Variants in GRAMD1C observed in about 807,000 individuals in gnomAD.
GRAMD1C encodes the protein GRAM domain containing 1C.
GRAMD1C carries 89 observed loss-of-function variants against 97.8 expected under a neutral mutation model. The observed-to-expected ratio is 0.91, with a 90% CI of 0.77 to 1.09. The LOEUF (loss-of-function observed/expected upper bound fraction) is 1.09. GRAMD1C is among the 50% of genes least tolerant of loss of function. GRAMD1C has a pLI of 0.00. For missense variants in GRAMD1C, 740 were observed against 766.4 expected (o/e 0.97, Z 0.41); for synonymous variants, 256 against 267.0 (o/e 0.96, Z 0.40).
intron 2 of GRAMD1C, among the ~76,000 whole-genome samples, chr3:113,847,452 G>A (rs915082906): frequency 2.0e-5 from 3 of 152,190 alleles, no homozygotes. Context: ...ACCTTTTAAT[G>A]TGGAGGCCAA....
At chr3:113,929,165 G>C (rs1262784345) in intron 10 of GRAMD1C, among the ~76,000 whole-genome samples, 1 of 152,140 alleles carries the variant, frequency 6.6e-6, no homozygotes, top group Non-Finnish European at 1.5e-5. Context: ...TAATGGGCAC[G>C]AACGTTCACC....
rs772959547 is a variant in GRAMD1C, at chr3:113,934,490, G to A, written c.1411G>A (p.Glu471Lys). The change falls in exon 13 of 18, where the codon GAA becomes AAA. Residue 471 changes from glutamate to lysine, a missense_variant. Coordinates refer to ENST00000358160, the MANE Select transcript of GRAMD1C (RefSeq NM_017577.5). ...QPWGLVKSLI[E>K]KNSWSSLEDY... ...ATGGGGCCTTGTCAAATCTTTAATT[G>A]AAAAGAATTCCTGGAGTTCTTTGGA... 1.3e-6 allele frequency: 2 copies of A among 1,590,466 alleles called. No individual in the cohort carries two copies. The highest frequency in any genetic ancestry group is 1.1e-5 in the South Asian group (1 of 88,122).
intron 2 of GRAMD1C, among the ~76,000 whole-genome samples, chr3:113,867,075 C>T (rs541816790): frequency 1.1e-4 from 16 of 152,200 alleles, no homozygotes; most frequent in African/African-American, 2.6e-4. Flanking sequence ...ATGATCCACC[C>T]GCCTTGGCCT....
Position 113,945,434 on chromosome 3 carries a change from G to C in GRAMD1C, c.1945G>C (p.Asp649His). The change falls in exon 18 of 18, where the codon GAT becomes CAT. Residue 649 changes from aspartate to histidine, a missense_variant. By Grantham distance (81) the Asp-to-His change is moderately conservative (BLOSUM62 -1). Transcript: ENST00000358160. ...SSLIMLQKTF[D>H]LLNKNKTGMA... ...ACTCATTATGCTTCAGAAAACGTTT[G>C]ATCTACTAAATAAGAATAAGACTGG... is the stretch of plus-strand genomic sequence containing the variant. 6.2e-7 allele frequency: 1 copy of C among 1,601,932 alleles called. No individual in the cohort carries two copies. The highest frequency in any genetic ancestry group is 8.6e-7 in the Non-Finnish European group (1 of 1,169,490).
At chr3:113,862,527 G>T (rs534899486) in intron 2 of GRAMD1C, among the ~76,000 whole-genome samples, 1 of 152,040 alleles carries the variant, frequency 6.6e-6, no homozygotes, top group Non-Finnish European at 1.5e-5. Flanking sequence ...TTTTCAAGGC[G>T]CCCAGATTTC....
intron 6 of GRAMD1C, among the ~76,000 whole-genome samples, chr3:113,887,236 G>A (rs1184359572): frequency 1.5e-4 from 23 of 151,176 alleles, no homozygotes; most frequent in South Asian, 1.3e-3. Flanking sequence ...GACTACAGGC[G>A]CCTGCCACCA....
At chr3:113,843,216 A>G (rs1933445833) in intron 1 of GRAMD1C, among the ~76,000 whole-genome samples, 1 of 151,922 alleles carries the variant, frequency 6.6e-6, no homozygotes, top group African/African-American at 2.4e-5. Context: ...CTGGGACAAT[A>G]GGCGCATGCC....
At chr3:113,896,251 G>C (rs1935941015) in intron 6 of GRAMD1C, among the ~76,000 whole-genome samples, 1 of 152,178 alleles carries the variant, frequency 6.6e-6, no homozygotes, top group Non-Finnish European at 1.5e-5. Flanking sequence ...GGCAGCGTTA[G>C]ATACCACTGT....
chr3:113,882,959 T>G, intron 6 of GRAMD1C, 127 bp downstream of exon 6: 1 of 504,444 alleles, frequency 2.0e-6, no homozygotes, highest in Non-Finnish European at 3.6e-6. Flanking sequence ...AGTAGAAACT[T>G]CAATCAAAGC....
intron 6 of GRAMD1C, chr3:113,885,788 G>T: frequency 6.2e-7 from 1 of 1,608,042 alleles, no homozygotes; most frequent in Non-Finnish European, 8.5e-7. Flanking sequence ...GCACTTTGCA[G>T]TTGAGCAGCT....
chr3:113,840,296 A>G (rs1424445480), intron 1 of GRAMD1C, among the ~76,000 whole-genome samples: 1 of 152,062 alleles, frequency 6.6e-6, no homozygotes, highest in Non-Finnish European at 1.5e-5. Context: ...TTACATAATT[A>G]AGGTCTCCAG....
intron 11 of GRAMD1C, among the ~76,000 whole-genome samples, chr3:113,932,882 C>G (rs1937489315): frequency 2.5e-5 from 1 of 40,332 alleles, no homozygotes; most frequent in African/African-American, 1.1e-4. Flanking sequence ...ATATTTTCTT[C>G]TTTCTTTTTT....
At chr3:113,863,499 G>A (rs1006792367) in intron 2 of GRAMD1C, among the ~76,000 whole-genome samples, 1 of 152,148 alleles carries the variant, frequency 6.6e-6, no homozygotes, top group Admixed American at 6.5e-5. Context: ...CTGCTAATGG[G>A]TATAGGATTT....
intron 11 of GRAMD1C, among the ~76,000 whole-genome samples, chr3:113,931,086 T>C (rs775199079): frequency 2.0e-5 from 3 of 152,206 alleles, no homozygotes; most frequent in Non-Finnish European, 2.9e-5. Flanking sequence ...ATAGTAATGG[T>C]ATTACAGCTG....
intron 2 of GRAMD1C, among the ~76,000 whole-genome samples, chr3:113,860,308 C>T (rs920229492): frequency 6.6e-6 from 1 of 152,128 alleles, no homozygotes; most frequent in Non-Finnish European, 1.5e-5. Context: ...GTGTGAGCCA[C>T]TGCACTCGGC....
chr3:113,869,562 A>C lies in GRAMD1C; in HGVS notation c.230A>C (p.His77Pro), dbSNP rs993558779. 6.5e-6 allele frequency: 10 copies of C among 1,542,948 alleles called. No individual in the cohort carries two copies. The African/African-American group carries it at 1.4e-4, about 21-fold the overall frequency. The change falls in exon 3 of 18, where the codon CAT (histidine) becomes CCT (proline). Residue 77 changes from histidine to proline, a missense_variant. Coordinates refer to ENST00000358160, the MANE Select transcript of GRAMD1C (RefSeq NM_017577.5). ...GAGGAATACAGAAGACAGTTCACAC[A>C]TCTACCTGATACAGAGAGGCTGATA... Reference protein sequence around the residue: ...RNEEYRRQFTHLPDTERLIAD... With the variant: ...RNEEYRRQFTPLPDTERLIAD...
intron 5 of GRAMD1C, among the ~76,000 whole-genome samples, chr3:113,876,571 CT>C (rs1935043841): frequency 6.6e-6 from 1 of 152,150 alleles, no homozygotes; most frequent in Non-Finnish European, 1.5e-5. Flanking sequence ...TCAGTAATAA[CT>C]GCACAATAGC....
chr3:113,843,375 C>T (rs1339500030), intron 1 of GRAMD1C, among the ~76,000 whole-genome samples: 1 of 151,912 alleles, frequency 6.6e-6, no homozygotes, highest in African/African-American at 2.4e-5. Flanking sequence ...CTGTGCCTGG[C>T]CCATATGCTT....
chr3:113,901,046 G>A lies in GRAMD1C; in HGVS notation c.556G>A (p.Glu186Lys). ...VLLDKSLTRQEFWQLLQQNYG... is the reference protein window; with the variant it reads ...VLLDKSLTRQKFWQLLQQNYG... Reference sequence around the variant, plus strand: ...GTCACTTTAGAGCCTGACTAGACAGGAATTCTGGCAACTGCTCCAGCAGAA... The same window carrying A: ...GTCACTTTAGAGCCTGACTAGACAGAAATTCTGGCAACTGCTCCAGCAGAA... The change falls in exon 7 of 18, where the codon GAA (glutamate) becomes AAA (lysine). Residue 186 changes from glutamate (E) to lysine (K), a missense_variant. Transcript: ENST00000358160. 6.3e-7 allele frequency: 1 copy of A among 1,589,198 alleles called. No individual in the cohort carries two copies. The highest frequency in any genetic ancestry group is 8.6e-7 in the Non-Finnish European group (1 of 1,157,666).
Sources: allele counts gnomAD v4.1 joint callset (sites outside exome capture counted in the v4.1 genomes callset), GRCh38; gene constraint gnomAD v4.1.1; transcripts MANE v1.5; gene names NCBI Gene and HGNC (gene_info 2026-07-23, HGNC 2026-07-21).